MPP4: variants seen among roughly 807,000 people sequenced by gnomAD.
MPP4 encodes the protein MAGUK p55 scaffold protein 4.
A neutral mutation model predicts 98.3 loss-of-function variants in MPP4; 91 were observed. The observed-to-expected ratio is 0.93, with a 90% CI of 0.78 to 1.10. The LOEUF (loss-of-function observed/expected upper bound fraction) is 1.10. Ranked by LOEUF, MPP4 falls within the 50% of genes least tolerant of loss-of-function variation. The pLI is 0.00. For synonymous variants in MPP4, 261 were observed against 271.8 expected (o/e 0.96, Z 0.39); for missense variants, 744 against 792.9 (o/e 0.94, Z 0.74).
At chr2:201,681,823 C>G (rs1006482808) in intron 8 of MPP4, among the ~76,000 whole-genome samples, 1 of 150,838 alleles carries the variant, frequency 6.6e-6, no homozygotes, top group African/African-American at 2.5e-5. Flanking sequence ...TCCAGGGACC[C>G]CCCCCCACCC....
chr2:201,651,397 T>C, intron 18 of MPP4: 1 of 985,408 alleles, frequency 1.0e-6, no homozygotes, highest in Non-Finnish European at 1.2e-6. Context: ...TAAAACCTTA[T>C]AGCTCTCAGG....
At chr2:201,687,529 G>C (rs1416118525) in intron 4 of MPP4, among the ~76,000 whole-genome samples, 158 bp from the exon 5 acceptor site, 1 of 152,116 alleles carries the variant, frequency 6.6e-6, no homozygotes, top group Non-Finnish European at 1.5e-5. Flanking sequence ...ATCCATTAAA[G>C]CCTACCATCC....
In MPP4 at chr2:201,674,829, T is replaced by C. The variant is rs186073943; in HGVS notation, c.994+378A>G. Among the ~76,000 whole-genome samples the C allele has an allele frequency of 5.3e-5, 8 of 152,254 alleles. No individual in the cohort carries two copies. In the East Asian group the frequency reaches 1.4e-3, roughly 26 times the overall value. ...AACATTACTATTGTAGAACCTAAGA[T>C]TGGCCTTTTGTGACATCTTTTTAGG... On this transcript the variant is annotated intron_variant, in intron 11 of 21. Coordinates refer to ENST00000409474, the MANE Select transcript of MPP4 (RefSeq NM_033066.3).
chr2:201,682,253 T>C (rs1688687161), intron 8 of MPP4, among the ~76,000 whole-genome samples: 1 of 152,208 alleles, frequency 6.6e-6, no homozygotes, highest in South Asian at 2.1e-4. Flanking sequence ...CAGCACATTC[T>C]ATACCACACA....
intron 4 of MPP4, among the ~76,000 whole-genome samples, chr2:201,688,334 C>A (rs1248652967): frequency 6.6e-6 from 1 of 152,142 alleles, no homozygotes; most frequent in Non-Finnish European, 1.5e-5. Flanking sequence ...GGAGGAGACA[C>A]AGACAACAAA....
At chr2:201,666,097 T>A in intron 13 of MPP4, 1 of 376,056 alleles carries the variant, frequency 2.7e-6, no homozygotes, top group Non-Finnish European at 4.8e-6. Context: ...TTGAGATCAT[T>A]TACAAAGCAC....
At position 201,687,378 on chromosome 2, in the gene MPP4, C is replaced by A. The variant is rs1380131524; in HGVS notation, c.280-7G>T. On this transcript the variant is annotated splice_polypyrimidine_tract_variant and splice_region_variant and intron_variant, in intron 4 of 21. Coordinates refer to ENST00000409474, the MANE Select transcript of MPP4 (RefSeq NM_033066.3). ...CACGTAATAACTCCACTACCTGGTTCATGGAAAAGGATACATTATAAAAAT... is the reference window on the plus strand; with the variant it reads ...CACGTAATAACTCCACTACCTGGTTAATGGAAAAGGATACATTATAAAAAT... The A allele has an allele frequency of 1.3e-6, 2 of 1,566,028 alleles. No individual in the cohort carries two copies. The highest frequency in any genetic ancestry group is 2.3e-5 in the East Asian group (1 of 42,588).
At chr2:201,653,111 AC>A (rs1183957079) in intron 18 of MPP4, among the ~76,000 whole-genome samples, 5 of 152,050 alleles carry the variant, frequency 3.3e-5, no homozygotes, top group African/African-American at 1.2e-4. Context: ...GAATCATATA[AC>A]CCTGGGCTGA....
At chr2:201,690,311 T>C in intron 3 of MPP4, 32 bp from the exon 4 acceptor site, 3 of 1,427,654 alleles carry the variant, frequency 2.1e-6, no homozygotes, top group Non-Finnish European at 2.9e-6. Flanking sequence ...AGAATTGATA[T>C]TGATAATATG....
At chr2:201,684,947 C>CAAA in intron 7 of MPP4, 117 bp downstream of exon 7, 10 of 512,702 alleles carry the variant, frequency 2.0e-5, no homozygotes, top group Admixed American at 6.2e-5. Context: ...GACTCCATCT[C>CAAA]AAAAAAAAAA....
intron 11 of MPP4, 60 bp from the exon 12 acceptor site, chr2:201,669,810 A>G: frequency 8.2e-7 from 1 of 1,221,096 alleles, no homozygotes; most frequent in Non-Finnish European, 1.1e-6. Context: ...TCTGTACTAT[A>G]TTTTCTCAGA....
chr2:201,664,449 C>T (rs1688111411), intron 13 of MPP4: 17 of 1,060,910 alleles, frequency 1.6e-5, no homozygotes, highest in Admixed American at 2.7e-5. Flanking sequence ...GGATACTGCT[C>T]GGCTTTGCTG....
intron 16 of MPP4, among the ~76,000 whole-genome samples, chr2:201,657,601 G>GTTTTTTTTTT (rs1393900511): frequency 9.5e-6 from 1 of 104,994 alleles, no homozygotes; most frequent in East Asian, 3.0e-4. Context: ...TTTTTTTTTT[G>GTTTTTTTTTT]TTTTTTTGTT....
intron 10 of MPP4, among the ~76,000 whole-genome samples, chr2:201,678,212 G>A (rs1001210669): frequency 3.3e-5 from 5 of 151,878 alleles, no homozygotes; most frequent in Non-Finnish European, 7.4e-5. Flanking sequence ...TCCTTGCAAG[G>A]CCCCTGCCAG....
intron 18 of MPP4, among the ~76,000 whole-genome samples, chr2:201,652,893 T>C (rs1047630814): frequency 3.3e-5 from 5 of 152,218 alleles, no homozygotes; most frequent in African/African-American, 4.8e-5. Context: ...CTGGCTGCTA[T>C]TGGCTTTCTT....
At chr2:201,660,947 A>G (rs1284231701) in intron 14 of MPP4, among the ~76,000 whole-genome samples, 2 of 152,146 alleles carry the variant, frequency 1.3e-5, no homozygotes, top group African/African-American at 2.4e-5. Flanking sequence ...TTTGAGATGC[A>G]GTCCCCTCTG....
chr2:201,690,556 T>C (rs1688983801), intron 3 of MPP4, among the ~76,000 whole-genome samples: 1 of 152,192 alleles, frequency 6.6e-6, no homozygotes, highest in Non-Finnish European at 1.5e-5. Context: ...AAACTTTTAA[T>C]CTTGTTAAAC....
intron 13 of MPP4, 44 bp from the exon 14 acceptor site, chr2:201,664,145 G>C: frequency 6.6e-7 from 1 of 1,521,716 alleles, no homozygotes; most frequent in Non-Finnish European, 8.9e-7. Context: ...GTTATTACAT[G>C]ACCATCTACA....
chr2:201,649,654 G>A lies in MPP4; in HGVS notation c.1506C>T (p.His502=), dbSNP rs895500063. 3 of 1,610,636 alleles carry A rather than the reference G, an allele frequency of 1.9e-6. No individual in the cohort carries two copies. The highest frequency in any genetic ancestry group is 2.5e-6 in the Non-Finnish European group (3 of 1,178,572). ...CAGCATCCACACTAGTGCCATACAG[G>A]TGGCCTTTGTACTCACCATACTCCA... is the stretch of plus-strand genomic sequence containing the variant. ...RMLEYGEYKG[H]LYGTSVDAVQ... is the part of the protein sequence containing the mutation. The change falls in exon 20 of 22, where the codon CAC becomes CAT. Residue 502 remains histidine (H), a synonymous_variant. Coordinates refer to ENST00000409474, the MANE Select transcript of MPP4 (RefSeq NM_033066.3).
Sources: allele counts gnomAD v4.1 joint callset (sites outside exome capture counted in the v4.1 genomes callset), GRCh38; gene constraint gnomAD v4.1.1; transcripts MANE v1.5; gene names NCBI Gene and HGNC (gene_info 2026-07-23, HGNC 2026-07-21).